ZZZ3: variants seen among roughly 807,000 people sequenced by gnomAD.
The protein encoded by ZZZ3 is zinc finger ZZ-type containing 3.
ZZZ3 carries 22 observed loss-of-function variants against 95.2 expected under a neutral mutation model. The ratio of observed to expected loss-of-function variants is 0.23; its 90% confidence interval spans 0.17 to 0.33. The LOEUF is 0.33. ZZZ3 is among the 10% of genes least tolerant of loss of function. ZZZ3 has a pLI of 1.00. For missense variants in ZZZ3, 885 were observed against 1,066.5 expected, an observed-to-expected ratio of 0.83 and a Z score of 2.37; for synonymous variants, 335 against 358.9, an observed-to-expected ratio of 0.93 and a Z score of 0.75.
chr1:77,664,341 C>T (rs1324533603), intron 1 of ZZZ3, among the ~76,000 whole-genome samples: 1 of 152,070 alleles, frequency 6.6e-6, no homozygotes, highest in Non-Finnish European at 1.5e-5. Context: ...AACTCTTATT[C>T]CTCAAAGGCC....
chr1:77,676,807 TAAC>T (rs1322226833), intron 1 of ZZZ3, among the ~76,000 whole-genome samples: 5 of 151,684 alleles, frequency 3.3e-5, no homozygotes, highest in African/African-American at 1.2e-4. Flanking sequence ...AAATGAAGCA[TAAC>T]AAAAAAATGA....
At chr1:77,668,999 T>C (rs764405428) in intron 1 of ZZZ3, among the ~76,000 whole-genome samples, 9 of 152,070 alleles carry the variant, frequency 5.9e-5, no homozygotes, top group Non-Finnish European at 1.0e-4. Flanking sequence ...TCTTCAGATA[T>C]TTTTGTGTTA....
intron 6 of ZZZ3, among the ~76,000 whole-genome samples, chr1:77,584,041 C>T (rs1421473087): frequency 1.3e-5 from 2 of 152,162 alleles, no homozygotes; most frequent in Non-Finnish European, 2.9e-5. Context: ...ACTTGGCTAT[C>T]GTAACTCTAA....
At chr1:77,636,526 A>C (rs901817248) in intron 4 of ZZZ3, among the ~76,000 whole-genome samples, 1 of 152,036 alleles carries the variant, frequency 6.6e-6, no homozygotes, top group Non-Finnish European at 1.5e-5. Flanking sequence ...CAAACTGGGC[A>C]ACATGGCGAA....
intron 5 of ZZZ3, among the ~76,000 whole-genome samples, chr1:77,602,158 T>C (rs1557715566): frequency 6.6e-6 from 1 of 152,126 alleles, no homozygotes; most frequent in Non-Finnish European, 1.5e-5. Context: ...AAATATGTGA[T>C]TTTTCCTCAA....
intron 1 of ZZZ3, chr1:77,645,525 CAG>C (rs1440942683): frequency 6.6e-6 from 1 of 152,378 alleles, no homozygotes; most frequent in Non-Finnish European, 1.5e-5. Flanking sequence ...AGGTCAGAAA[CAG>C]AGCAGGTCTA....
chr1:77,665,997 C>T (rs1214828678), intron 1 of ZZZ3, among the ~76,000 whole-genome samples: 1 of 152,156 alleles, frequency 6.6e-6, no homozygotes. Flanking sequence ...GCCGAGATTG[C>T]GCCAGTACAC....
intron 1 of ZZZ3, among the ~76,000 whole-genome samples, chr1:77,666,375 A>G (rs1159752743): frequency 6.6e-6 from 1 of 152,082 alleles, no homozygotes; most frequent in East Asian, 1.9e-4. Context: ...TCTACTAATA[A>G]TACAAAAATT....
At chr1:77,651,001 C>A (rs1669753745) in intron 1 of ZZZ3, among the ~76,000 whole-genome samples, 1 of 152,068 alleles carries the variant, frequency 6.6e-6, no homozygotes, top group African/African-American at 2.4e-5. Context: ...GGATATCCAC[C>A]TACAAAAGAA....
At chr1:77,580,701 C>G (rs1191141372) in intron 9 of ZZZ3, 1 of 248,066 alleles carries the variant, frequency 4.0e-6, no homozygotes, top group Non-Finnish European at 7.9e-6. Context: ...ATGATCCTGG[C>G]TCAATGCAAC....
chr1:77,602,353 T>C (rs930094600), intron 5 of ZZZ3, among the ~76,000 whole-genome samples: 5 of 152,186 alleles, frequency 3.3e-5, no homozygotes, highest in African/African-American at 1.2e-4. Flanking sequence ...TATCTCTCAA[T>C]TATTACTTGT....
chr1:77,683,013 G>A (rs1390076681), upstream of ZZZ3, among the ~76,000 whole-genome samples: 1 of 151,830 alleles, frequency 6.6e-6, no homozygotes, highest in Non-Finnish European at 1.5e-5. Context: ...CGCTCCCGAC[G>A]CCCTCCCAAA....
chr1:77,653,765 A>T (rs894961732), intron 1 of ZZZ3, among the ~76,000 whole-genome samples: 8 of 152,142 alleles, frequency 5.3e-5, no homozygotes, highest in South Asian at 2.1e-4. Context: ...AAAAAAAATT[A>T]AAAAAGATAA....
At chr1:77,653,253 A>G (rs1669967437) in intron 1 of ZZZ3, among the ~76,000 whole-genome samples, 1 of 152,118 alleles carries the variant, frequency 6.6e-6, no homozygotes, top group Non-Finnish European at 1.5e-5. Context: ...CAAAAAGGAG[A>G]TAAGTGATTG....
intron 1 of ZZZ3, chr1:77,677,428 C>T (rs1038192232): frequency 1.3e-5 from 2 of 151,980 alleles, no homozygotes; most frequent in South Asian, 4.1e-4. Context: ...TATAAACATG[C>T]TTCACCTCAG....
chr1:77,597,560 T>C (rs934716664), intron 5 of ZZZ3, among the ~76,000 whole-genome samples: 1 of 152,118 alleles, frequency 6.6e-6, no homozygotes, highest in Non-Finnish European at 1.5e-5. Flanking sequence ...TAAATCTTAT[T>C]GCTAGTATGC....
intron 1 of ZZZ3, among the ~76,000 whole-genome samples, chr1:77,650,799 T>A (rs1669737121): frequency 6.7e-6 from 1 of 150,260 alleles, no homozygotes; most frequent in Admixed American, 6.6e-5. Flanking sequence ...TTAAGAAAAA[T>A]CAATAAAATT....
chr1:77,571,288 ATAAAT>A (rs1014730985), intron 12 of ZZZ3, among the ~76,000 whole-genome samples: 1 of 151,918 alleles, frequency 6.6e-6, no homozygotes, highest in Non-Finnish European at 1.5e-5. Context: ...TACTGAAAAA[ATAAAT>A]AAATAAATAA....
chr1:77,677,797 C>T (rs545422528), intron 1 of ZZZ3, among the ~76,000 whole-genome samples: 18 of 152,032 alleles, frequency 1.2e-4, no homozygotes, highest in African/African-American at 3.9e-4. Flanking sequence ...AAAAGCAGGA[C>T]ATGAAATTAA....
Sources: gnomAD v4.1 joint callset for allele counts (sites outside exome capture counted in the v4.1 genomes callset) on GRCh38, gnomAD v4.1.1 for gene constraint, MANE v1.5 for transcripts, NCBI Gene and HGNC (gene_info 2026-07-23, HGNC 2026-07-21) for gene names.